The following SCLT1 variants were observed in gnomAD, a reference collection of about 807,000 sequenced individuals.
SCLT1 encodes the protein sodium channel and clathrin linker 1.
A neutral mutation model predicts 112.8 loss-of-function variants in SCLT1; 78 were observed. The ratio of observed to expected loss-of-function variants is 0.69; its 90% CI spans 0.58 to 0.83. The LOEUF (loss-of-function observed/expected upper bound fraction) is 0.83. Among genes scored for constraint, SCLT1 ranks in the 40% least tolerant of loss-of-function variants. The probability of loss-of-function intolerance (pLI) is 0.00; values close to 1 mark genes in which losing one functional copy is unlikely to be tolerated. For synonymous variants in SCLT1, 257 were observed against 254.7 expected (o/e 1.01, Z -0.09); for missense variants, 747 against 770.4 (o/e 0.97, Z 0.36).
intron 14 of SCLT1, among the ~76,000 whole-genome samples, chr4:128,951,254 G>A (rs535918032): frequency 2.0e-5 from 3 of 152,142 alleles, no homozygotes; most frequent in African/African-American, 7.2e-5. Flanking sequence ...TCTTAAAGTA[G>A]CCAAATATGT....
At chr4:128,917,867 C>G (rs1171678010) in intron 18 of SCLT1, among the ~76,000 whole-genome samples, 1 of 151,964 alleles carries the variant, frequency 6.6e-6, no homozygotes, top group East Asian at 1.9e-4. Flanking sequence ...GTGGAGAGAT[C>G]CTCTCCATCG....
At chr4:128,960,926 C>CAAAAAA (rs34599122) in intron 11 of SCLT1, among the ~76,000 whole-genome samples, 4 of 52,464 alleles carry the variant, frequency 7.6e-5, no homozygotes, top group African/African-American at 1.7e-4. Context: ...GACTCCGTCT[C>CAAAAAA]AAAAAAAAAA....
At chr4:128,969,703 G>A (rs2126031656) in intron 10 of SCLT1, among the ~76,000 whole-genome samples, 1 of 152,262 alleles carries the variant, frequency 6.6e-6, no homozygotes, top group East Asian at 1.9e-4. Flanking sequence ...GAACCATCAG[G>A]CCAGACATCC....
Position 128,936,711 on chromosome 4 carries a change from C to A in SCLT1, c.1773G>T (p.Trp591Cys). 6.2e-7 allele frequency: 1 copy of A among 1,609,820 alleles called. No homozygotes were observed. The highest frequency in any genetic ancestry group is 1.3e-5 in the African/African-American group (1 of 74,650). The change falls in exon 18 of 21, where the codon TGG becomes TGT. Residue 591 changes from tryptophan to cysteine, a missense_variant. Around this residue, in one of 2 missense-constraint regions of SCLT1, gnomAD observed 723 missense variants for 721.3 expected, o/e 1.00. Coordinates refer to ENST00000281142, the MANE Select transcript of SCLT1 (RefSeq NM_144643.4). ...CAGTAAGTTTCTTCGTTTCTTCTTT[C>A]CACCTATTGGCTGCCTTCTGTTGAG... ...LATQQKAANRWKEETKKLTES... is the reference protein window; with the variant it reads ...LATQQKAANRCKEETKKLTES...
At chr4:128,938,626 A>G (rs1390931300) in intron 17 of SCLT1, among the ~76,000 whole-genome samples, 2 of 152,266 alleles carry the variant, frequency 1.3e-5, no homozygotes, top group East Asian at 3.9e-4. Flanking sequence ...TTGGTCTAAC[A>G]TCTCAGGTGG....
At chr4:128,941,110 T>A in intron 17 of SCLT1, among the ~76,000 whole-genome samples, 1 of 152,094 alleles carries the variant, frequency 6.6e-6, no homozygotes, top group Non-Finnish European at 1.5e-5. Context: ...GATAAAAGCA[T>A]GGGAAAACCT....
chr4:129,054,722 AT>A (rs1163714706), intron 2 of SCLT1, among the ~76,000 whole-genome samples: 1 of 151,878 alleles, frequency 6.6e-6, no homozygotes. Context: ...AGAGGAGTTT[AT>A]TACCCACCCT....
chr4:129,076,903 TTTAAAA>T (rs1319355283), intron 2 of SCLT1, among the ~76,000 whole-genome samples: 1 of 152,122 alleles, frequency 6.6e-6, no homozygotes. Flanking sequence ...AAACCAGCTA[TTTAAAA>T]TATCTTTTAA....
At chr4:129,028,833 A>G (rs540982503) in intron 5 of SCLT1, among the ~76,000 whole-genome samples, 6 of 151,096 alleles carry the variant, frequency 4.0e-5, no homozygotes, top group African/African-American at 1.5e-4. Context: ...ATTTACAACA[A>G]AAAAAAAACC....
intron 18 of SCLT1, among the ~76,000 whole-genome samples, chr4:128,934,186 T>C (rs1187681664): frequency 2.6e-5 from 4 of 151,832 alleles, no homozygotes; most frequent in Admixed American, 6.6e-5. Context: ...TCTGTCCCGC[T>C]CTCTCCTCTC....
At chr4:128,953,517 G>A (rs985399621) in intron 13 of SCLT1, among the ~76,000 whole-genome samples, 2 of 152,098 alleles carry the variant, frequency 1.3e-5, no homozygotes, top group African/African-American at 4.8e-5. Context: ...CTGCTATAAA[G>A]CAAGTCAAAA....
At chr4:129,013,323 T>C (rs1341848730) in intron 5 of SCLT1, among the ~76,000 whole-genome samples, 1 of 152,222 alleles carries the variant, frequency 6.6e-6, no homozygotes, top group Non-Finnish European at 1.5e-5. Flanking sequence ...TCAAGGTTGG[T>C]ATTGATATGT....
At chr4:128,969,295 G>T (rs55707740) in intron 10 of SCLT1, among the ~76,000 whole-genome samples, 1 of 151,996 alleles carries the variant, frequency 6.6e-6, no homozygotes, top group Non-Finnish European at 1.5e-5. Flanking sequence ...ATTGCTGGCC[G>T]GGCGCGGTGG....
chr4:128,961,139 G>T (rs1168092698), intron 11 of SCLT1, among the ~76,000 whole-genome samples: 3 of 151,582 alleles, frequency 2.0e-5, no homozygotes, highest in Non-Finnish European at 2.9e-5. Flanking sequence ...TATAAAGATG[G>T]TCTCCTTCAT....
intron 9 of SCLT1, chr4:128,971,277 G>T (rs2126034242): frequency 6.6e-6 from 1 of 152,234 alleles, no homozygotes; most frequent in South Asian, 2.1e-4. Context: ...GTATCTAAAT[G>T]TAAATCATAT....
chr4:128,877,443 A>T (rs1002112505), intron 3 of SCLT1, among the ~76,000 whole-genome samples: 1 of 152,072 alleles, frequency 6.6e-6, no homozygotes, highest in Non-Finnish European at 1.5e-5. Context: ...GCACTTTGGG[A>T]GGTGGAGGTG....
At chr4:128,888,601 CTAT>C (rs1733071203) in intron 20 of SCLT1, 75 bp downstream of exon 20, 2 of 732,032 alleles carry the variant, frequency 2.7e-6, no homozygotes, top group Admixed American at 5.2e-5. Context: ...TAAAAATAAA[CTAT>C]TAAGTTCCCT....
intron 17 of SCLT1, 21 bp from the exon 18 acceptor site, chr4:128,936,872 G>A (rs752681270): frequency 1.1e-5 from 14 of 1,305,430 alleles, no homozygotes; most frequent in South Asian, 6.9e-5. Flanking sequence ...AAATGAAAAC[G>A]TATTTTCTTT....
At chr4:128,968,349 A>G (rs923426112) in intron 10 of SCLT1, among the ~76,000 whole-genome samples, 1 of 152,022 alleles carries the variant, frequency 6.6e-6, no homozygotes, top group Non-Finnish European at 1.5e-5. Flanking sequence ...GTCTTTCCCA[A>G]TCTATTTTTG....
Sources: gnomAD v4.1 joint callset for allele counts (sites outside exome capture counted in the v4.1 genomes callset) on GRCh38, gnomAD v4.1.1 for gene constraint, gnomAD v4.1.1 regional missense constraint, MANE v1.5 for transcripts, NCBI Gene and HGNC (gene_info 2026-07-23, HGNC 2026-07-21) for gene names.